Variants in PCDHGA6 observed in about 807,000 individuals in gnomAD.
The protein encoded by PCDHGA6 is protocadherin gamma-A6.
Under a neutral mutation model 60.6 loss-of-function variants are expected in PCDHGA6, and 41 were observed. That is an observed-to-expected ratio of 0.68 (90% CI 0.53 to 0.88). The LOEUF is 0.88. PCDHGA6 is among the 40% of genes least tolerant of loss of function. The probability of loss-of-function intolerance (pLI) is 0.00; values close to 1 mark genes in which losing one functional copy is unlikely to be tolerated. For missense variants in PCDHGA6, 1,312 were observed against 1,203.0 expected (o/e 1.09, Z -1.34); for synonymous variants, 594 against 524.4 (o/e 1.13, Z -1.81).
At chr5:141,422,729 C>G (rs1352451042) in intron 1 of PCDHGA6, 1 of 1,606,960 alleles carries the variant, frequency 6.2e-7, no homozygotes, top group South Asian at 1.1e-5. Flanking sequence ...CAGGGGGTGC[C>G]TCTGTCCTCC....
chr5:141,428,115 G>A (rs753384738), intron 1 of PCDHGA6: 2 of 1,607,178 alleles, frequency 1.2e-6, no homozygotes, highest in Non-Finnish European at 8.5e-7. Flanking sequence ...GCAGGCCATC[G>A]AGCCCGGGCT....
Position 141,490,389 on chromosome 5 carries a change from T to C in PCDHGA6, c.2425-4418T>C, listed in dbSNP as rs1221410350. The C allele has an allele frequency of 6.2e-7, 1 of 1,614,174 alleles. No homozygotes were observed. Among genetic ancestry groups the C allele is most frequent in the African/African-American group, 1.3e-5 (1 of 75,040 alleles). On this transcript the variant is annotated intron_variant, in intron 1 of 3. Transcript: ENST00000517434. The surrounding 1 kb of genome is among the most constrained non-coding windows in gnomAD (Gnocchi z 5.4). The stretch of plus-strand genomic sequence containing the variant: ...GAGACCGGGACTCAGGTAGAAATGG[T>C]GAAGTGAGCCTTGATATCTCTCCGG...
chr5:141,430,328 T>C (rs961978065), intron 1 of PCDHGA6, among the ~76,000 whole-genome samples: 1 of 152,036 alleles, frequency 6.6e-6, no homozygotes, highest in Non-Finnish European at 1.5e-5. Flanking sequence ...AAATCATTGT[T>C]TATAGAAACT....
chr5:141,430,615 A>G, intron 1 of PCDHGA6: 1 of 686,990 alleles, frequency 1.5e-6, no homozygotes, highest in Non-Finnish European at 2.2e-6. Context: ...CAAAGCAGAT[A>G]GCTAGGAATG....
chr5:141,408,153 C>T, intron 1 of PCDHGA6: 4 of 1,509,360 alleles, frequency 2.7e-6, no homozygotes, highest in Non-Finnish European at 3.6e-6. Context: ...CGGTAGAGTG[C>T]ACTTTCTCCA....
chr5:141,399,309 C>CA (rs1033550021), intron 1 of PCDHGA6: 6 of 1,613,784 alleles, frequency 3.7e-6, no homozygotes, highest in African/African-American at 1.3e-5. Context: ...TCTCTTCATC[C>CA]AAAAATTCGT....
Position 141,490,122 on chromosome 5 carries a change from C to T in PCDHGA6, c.2425-4685C>T. 3 of 1,614,260 alleles carry T rather than the reference C, an allele frequency of 1.9e-6. No homozygotes were observed. The highest frequency in any genetic ancestry group is 2.5e-6 in the Non-Finnish European group (3 of 1,180,046). On this transcript the variant is annotated intron_variant, in intron 1 of 3. Coordinates refer to ENST00000517434, the MANE Select transcript of PCDHGA6 (RefSeq NM_018919.3). The surrounding 1 kb of genome is among the most constrained non-coding windows in gnomAD (Gnocchi z 5.4). ...CTGAGGCAGTGCGGAACCTCTTTGG[C>T]CTAGACCCTAGCAGTGGGGCAATCC... is the stretch of plus-strand genomic sequence containing the variant.
At chr5:141,505,241 T>C in intron 2 of PCDHGA6, 152 bp from the exon 3 acceptor site, 3 of 1,396,292 alleles carry the variant, frequency 2.1e-6, no homozygotes, top group South Asian at 1.4e-5. Flanking sequence ...TTCTGAAGGA[T>C]TGTAGAAGTG....
intron 2 of PCDHGA6, among the ~76,000 whole-genome samples, chr5:141,499,283 G>T (rs1460838051): frequency 6.6e-6 from 1 of 152,066 alleles, no homozygotes; most frequent in Non-Finnish European, 1.5e-5. Context: ...TTCTCTGATG[G>T]CTCCACACTA....
intron 1 of PCDHGA6, chr5:141,415,523 T>G (rs1245542927): frequency 1.9e-6 from 3 of 1,614,196 alleles, no homozygotes; most frequent in Non-Finnish European, 2.5e-6. Context: ...GCGGACACGC[T>G]CATCAGCCAG....
At position 141,374,080 on chromosome 5, in the gene PCDHGA6, A is replaced by T; in HGVS notation, c.-4A>T. The T allele has an allele frequency of 6.6e-7, 1 of 1,520,068 alleles. No homozygotes were observed. The allele number at this position is 1,520,068 out of a possible 1,614,324, so 94.2% of individuals were successfully genotyped here. On this transcript the variant is annotated 5_prime_UTR_variant, in exon 1 of 4. Coordinates refer to ENST00000517434, the MANE Select transcript of PCDHGA6 (RefSeq NM_018919.3). ...ATCCCAGAGAAGTTCCTAATAAGCC[A>T]GTAATGGCGCCTCCGCAGAGGCATC...
intron 1 of PCDHGA6, among the ~76,000 whole-genome samples, chr5:141,433,399 CTA>C (rs1491097109): frequency 1.1e-4 from 17 of 150,894 alleles, no homozygotes; most frequent in African/African-American, 4.1e-4. Context: ...ATCTATCTAT[CTA>C]TCTATTACTT....
rs760557076 is a variant in PCDHGA6 at position 141,374,735 on chromosome 5, G to A, written c.652G>A (p.Gly218Ser). The change falls in exon 1 of 4, where the codon GGC becomes AGC. Residue 218 changes from glycine (G) to serine (S), a missense_variant. By Grantham distance (56) the Gly-to-Ser change is moderately conservative. Coordinates refer to ENST00000517434, the MANE Select transcript of PCDHGA6 (RefSeq NM_018919.3). ...CCTGGTCCTTACTGCCATGGATGGC[G>A]GCGACCCTGTCCGCTCAAGCGTCGC... Reference protein sequence around the residue: ...YRLVLTAMDGGDPVRSSVAQI... With the variant: ...YRLVLTAMDGSDPVRSSVAQI... 1 of 1,610,874 alleles carries A rather than the reference G, an allele frequency of 6.2e-7. No homozygotes were observed.
Position 141,462,070 on chromosome 5 carries a change from G to A in PCDHGA6, c.2425-32737G>A, listed in dbSNP as rs572217894. Among the ~76,000 whole-genome samples the A allele has an allele frequency of 2.6e-5, 4 of 152,196 alleles. No homozygotes were observed. In the East Asian group the frequency reaches 7.7e-4, roughly 29 times the overall value. Reference sequence around the variant, plus strand: ...ACTCCCGACCTCAGGTGATCTGCCCGCCTTGGCCTCCCAAAATGCTGGGAT... The same window carrying A: ...ACTCCCGACCTCAGGTGATCTGCCCACCTTGGCCTCCCAAAATGCTGGGAT... On this transcript the variant is annotated intron_variant, in intron 1 of 3. Transcript: ENST00000517434.
chr5:141,421,945 AT>A (rs1473318347), intron 1 of PCDHGA6: 1 of 1,613,342 alleles, frequency 6.2e-7, no homozygotes, highest in Non-Finnish European at 8.5e-7. Flanking sequence ...AAATGATCAC[AT>A]CCCAATGTTT....
chr5:141,478,857 C>A, intron 1 of PCDHGA6: 1 of 1,353,600 alleles, frequency 7.4e-7, no homozygotes, highest in Non-Finnish European at 9.8e-7. Context: ...AACACAAGAT[C>A]TCAGCGATCA....
intron 1 of PCDHGA6, chr5:141,403,389 C>T (rs764725441): frequency 1.2e-6 from 2 of 1,614,050 alleles, no homozygotes; most frequent in South Asian, 1.1e-5. Context: ...AACGAAATCG[C>T]GGTTCCTGGA....
chr5:141,495,752 C>G (rs1310125902), intron 2 of PCDHGA6, among the ~76,000 whole-genome samples: 1 of 152,150 alleles, frequency 6.6e-6, no homozygotes, highest in Non-Finnish European at 1.5e-5. Flanking sequence ...TTCTCTATCT[C>G]TGCCTCCCTG....
chr5:141,502,037 C>T (rs2154593041), intron 2 of PCDHGA6, among the ~76,000 whole-genome samples: 1 of 152,302 alleles, frequency 6.6e-6, no homozygotes, highest in East Asian at 1.9e-4. Context: ...CGCCGCTTGC[C>T]TGCTCTCCCT....
Sources: allele counts gnomAD v4.1 joint callset (sites outside exome capture counted in the v4.1 genomes callset), GRCh38; gene constraint gnomAD v4.1.1; non-coding constraint Gnocchi (gnomAD v3.1); transcripts MANE v1.5; gene names NCBI Gene and HGNC (gene_info 2026-07-23, HGNC 2026-07-21).